TSPAN16: variants seen among roughly 807,000 people sequenced by gnomAD.
TSPAN16 encodes tetraspanin-16.
Under a neutral mutation model 25.2 loss-of-function variants are expected in TSPAN16, and 23 were observed. The observed-to-expected ratio is 0.91, with a 90% CI of 0.66 to 1.29. The LOEUF is 1.29. TSPAN16 is among the 50% of genes most tolerant of loss of function. The probability of loss-of-function intolerance (pLI) is 0.00; values close to 1 mark genes in which losing one functional copy is unlikely to be tolerated. For synonymous variants in TSPAN16, 123 were observed against 124.4 expected, an observed-to-expected ratio of 0.99 and a Z score of 0.08; for missense variants, 272 against 299.9, an observed-to-expected ratio of 0.91 and a Z score of 0.69.
At chr19:11,316,671 GA>G (rs1046425294), downstream of TSPAN16, among the ~76,000 whole-genome samples, 10 of 152,004 alleles carry the variant, frequency 6.6e-5, 1 homozygote, top group Admixed American at 5.9e-4. Context: ...TCAAGCTAAT[GA>G]ACATATCTAT....
At chr19:11,320,075 C>T (rs550730594), downstream of TSPAN16, among the ~76,000 whole-genome samples, 5 of 150,400 alleles carry the variant, frequency 3.3e-5, no homozygotes, top group South Asian at 6.3e-4. Flanking sequence ...GCCTCCGCCT[C>T]CCAAGGTGCT....
intron 4 of TSPAN16, among the ~76,000 whole-genome samples, chr19:11,301,955 C>G (rs763634811): frequency 1.4e-5 from 2 of 141,312 alleles, no homozygotes; most frequent in Non-Finnish European, 3.0e-5. Flanking sequence ...TCCCAAGTAG[C>G]TGGGATTAGA....
chr19:11,306,556 T>C, intron 4 of TSPAN16, 48 bp from the exon 5 acceptor site: 1 of 1,609,352 alleles, frequency 6.2e-7, no homozygotes, highest in South Asian at 1.1e-5. Context: ...TTCTGATGTT[T>C]TTATTATTTG....
chr19:11,300,489 G>C (rs1299984933), intron 3 of TSPAN16, among the ~76,000 whole-genome samples: 1 of 152,194 alleles, frequency 6.6e-6, no homozygotes, highest in South Asian at 2.1e-4. Context: ...GCACAGAACT[G>C]ACAAGGGCCA....
chr19:11,300,957 C>T (rs2080539157), intron 3 of TSPAN16: 5 of 387,798 alleles, frequency 1.3e-5, no homozygotes, highest in East Asian at 7.9e-5. Flanking sequence ...AATTCGTGTG[C>T]GATGGGTACA....
intron 6 of TSPAN16, among the ~76,000 whole-genome samples, chr19:11,315,234 T>TCAA (rs972093101): frequency 1.5e-4 from 14 of 91,198 alleles, no homozygotes; most frequent in Non-Finnish European, 2.4e-4. Context: ...AGACTCCTTC[T>TCAA]CAATAATAAT....
intron 6 of TSPAN16, chr19:11,324,060 C>G (rs1301268561): frequency 2.6e-5 from 4 of 152,280 alleles, no homozygotes; most frequent in South Asian, 2.1e-4. Context: ...TCCATCCCCC[C>G]CATTCACATA....
chr19:11,310,323 C>A (rs758542335), intron 5 of TSPAN16, among the ~76,000 whole-genome samples: 39 of 151,130 alleles, frequency 2.6e-4, no homozygotes, highest in Non-Finnish European at 4.7e-4. Flanking sequence ...GTCAGGAGTT[C>A]ACCAACATGG....
At position 11,301,251 on chromosome 19, in the gene TSPAN16, C is replaced by A; in HGVS notation, c.393C>A (p.Tyr131Ter). Residue 131 changes from tyrosine (Y) to a stop codon, truncating the protein, a stop_gained, in exon 4 of 7, where the codon TAC becomes TAA. Transcript: ENST00000590327. LOFTEE classifies it high-confidence loss of function. ...CCTTCGTGACCCTGAGGAAGAATTA[C>A]AGAGGTTACAACGAGCCAGACGACT... is the stretch of plus-strand genomic sequence containing the variant. ...EHTFVTLRKN[Y>*]RGYNEPDDYS... 6.2e-7 allele frequency: 1 copy of A among 1,613,832 alleles called. No individual in the cohort carries two copies. The highest frequency in any genetic ancestry group is 8.5e-7 in the Non-Finnish European group (1 of 1,179,970).
intron 5 of TSPAN16, among the ~76,000 whole-genome samples, chr19:11,308,869 A>G (rs1479767028): frequency 6.6e-6 from 1 of 152,020 alleles, no homozygotes; most frequent in Admixed American, 6.6e-5. Context: ...TCAGCCTCCC[A>G]AAGTGCTAGG....
intron 4 of TSPAN16, among the ~76,000 whole-genome samples, chr19:11,305,511 C>T (rs974957351): frequency 2.0e-5 from 3 of 151,302 alleles, no homozygotes; most frequent in African/African-American, 4.9e-5. Context: ...ACCTGGGCAA[C>T]AGACAGAGAC....
chr19:11,321,827 G>A (rs2080781562), intron 6 of TSPAN16, among the ~76,000 whole-genome samples: 2 of 152,156 alleles, frequency 1.3e-5, no homozygotes, highest in Non-Finnish European at 2.9e-5. Flanking sequence ...TCTTGCTGCT[G>A]GGGAGAGAAC....
intron 4 of TSPAN16, 118 bp from the exon 5 acceptor site, chr19:11,306,486 G>A (rs535139816): frequency 1.6e-6 from 2 of 1,259,158 alleles, no homozygotes; most frequent in African/African-American, 1.5e-5. Context: ...GTAAGAGGAT[G>A]TTTAGCACAG....
chr19:11,310,515 CAA>C (rs71164183), intron 5 of TSPAN16, among the ~76,000 whole-genome samples: 39,693 of 116,812 alleles, frequency 0.34, 5,873 homozygotes, highest in African/African-American at 0.41. Flanking sequence ...AATTCCGTCT[CAA>C]AAAAAAAAAA....
At chr19:11,301,558 C>G (rs148125645) in intron 4 of TSPAN16, among the ~76,000 whole-genome samples, 4 of 151,244 alleles carry the variant, frequency 2.6e-5, no homozygotes, top group East Asian at 2.0e-4. Flanking sequence ...GAGAATAGCT[C>G]GAACCCAGGA....
At chr19:11,317,464 C>T (rs759580290), downstream of TSPAN16, among the ~76,000 whole-genome samples, 9 of 151,950 alleles carry the variant, frequency 5.9e-5, no homozygotes, top group Non-Finnish European at 1.2e-4. Context: ...TACAGGCATG[C>T]GCCACCACAC....
rs1327579223 is a variant in TSPAN16, at chr19:11,301,246, A to G, written c.388A>G (p.Asn130Asp). The G allele has an allele frequency of 6.2e-7, 1 of 1,614,056 alleles. No homozygotes were observed. Among genetic ancestry groups the G allele is most frequent in the South Asian group, 1.1e-5 (1 of 91,078 alleles). ...LEHTFVTLRK[N>D]YRGYNEPDDY... is the part of the protein sequence containing the mutation. Reference sequence around the variant, plus strand: ...ACACACCTTCGTGACCCTGAGGAAGAATTACAGAGGTTACAACGAGCCAGA... The same window carrying G: ...ACACACCTTCGTGACCCTGAGGAAGGATTACAGAGGTTACAACGAGCCAGA... The change falls in exon 4 of 7, where the codon AAT becomes GAT. Residue 130 changes from asparagine to aspartate, a missense_variant. Transcript: ENST00000590327.
At chr19:11,303,588 A>AC (rs2080593445) in intron 4 of TSPAN16, among the ~76,000 whole-genome samples, 1 of 148,120 alleles carries the variant, frequency 6.8e-6, no homozygotes, top group African/African-American at 2.5e-5. Flanking sequence ...AAAAAAAAAA[A>AC]AAAAAAAAAC....
At chr19:11,312,090 C>G (rs764407493) in intron 5 of TSPAN16, 49 bp from the exon 6 acceptor site, 18 of 1,447,260 alleles carry the variant, frequency 1.2e-5, no homozygotes, top group Non-Finnish European at 1.7e-5. Context: ...GACTTGCAAT[C>G]CATAAGCCCC....
Sources: gnomAD v4.1 joint callset for allele counts (sites outside exome capture counted in the v4.1 genomes callset) on GRCh38, gnomAD v4.1.1 for gene constraint, MANE v1.5 for transcripts, NCBI Gene and HGNC (gene_info 2026-07-23, HGNC 2026-07-21) for gene names.